The following COL13A1 variants were observed in gnomAD, a reference collection of about 807,000 sequenced individuals.
COL13A1 encodes collagen alpha-1(XIII) chain.
A neutral mutation model predicts 130.9 loss-of-function variants in COL13A1; 89 were observed. That is an observed-to-expected ratio of 0.68 (90% CI 0.57 to 0.81). The LOEUF (loss-of-function observed/expected upper bound fraction) is 0.81. Among genes scored for constraint, COL13A1 ranks in the 30% least tolerant of loss-of-function variants. The pLI, the probability that COL13A1 is intolerant of heterozygous loss-of-function variation, is 0.00. For missense variants in COL13A1, 879 were observed against 934.6 expected (o/e 0.94, Z 0.78); for synonymous variants, 402 against 341.6 (o/e 1.18, Z -1.95).
At chr10:69,841,105 C>A (rs1427172029) in intron 2 of COL13A1, among the ~76,000 whole-genome samples, 2 of 151,672 alleles carry the variant, frequency 1.3e-5, no homozygotes, top group Non-Finnish European at 2.9e-5. Flanking sequence ...TGCAGCACAG[C>A]CAGCCTGGGG....
chr10:69,948,071 T>C (rs1406397151), intron 38 of COL13A1, among the ~76,000 whole-genome samples: 2 of 152,198 alleles, frequency 1.3e-5, no homozygotes, highest in Non-Finnish European at 2.9e-5. Context: ...TGCTGCATCA[T>C]GGGGCTTCCT....
At chr10:69,853,685 C>A (rs1206430502) in intron 2 of COL13A1, among the ~76,000 whole-genome samples, 1 of 152,204 alleles carries the variant, frequency 6.6e-6, no homozygotes, top group East Asian at 1.9e-4. Context: ...TAGTAACCAA[C>A]TCAAAGATAA....
At chr10:69,919,113 G>A (rs370076423) in intron 20 of COL13A1, 25 bp downstream of exon 20, 85 of 1,613,864 alleles carry the variant, frequency 5.3e-5, no homozygotes, top group Admixed American at 4.5e-4. Context: ...AGAATGTTCC[G>A]GGCTGCACAG....
chr10:69,881,058 G>A lies in COL13A1; in HGVS notation c.513+505G>A, dbSNP rs182764463. Among the ~76,000 whole-genome samples, 230 of 152,352 alleles carry A rather than the reference G, an allele frequency of 1.5e-3. 1 individual carries two copies. Among genetic ancestry groups the A allele is most frequent in the African/African-American group, 5.1e-3 (211 of 41,586 alleles). Reference sequence around the variant, plus strand: ...TGTGTTCACTAGCACCCTCCACCCCGTGGCTGGGAGCTTGAGAAAACCAGC... The same window carrying A: ...TGTGTTCACTAGCACCCTCCACCCCATGGCTGGGAGCTTGAGAAAACCAGC... On this transcript the variant is annotated intron_variant, in intron 7 of 40. Transcript: ENST00000645393.
chr10:69,913,233 G>A (rs1471331041), intron 17 of COL13A1, among the ~76,000 whole-genome samples: 2 of 152,164 alleles, frequency 1.3e-5, no homozygotes, highest in Admixed American at 1.3e-4. Flanking sequence ...CCATGCACGT[G>A]GCCAAGACCT....
chr10:69,887,466 G>A lies in COL13A1; in HGVS notation c.524G>A (p.Gly175Glu). 1.2e-6 allele frequency: 2 copies of A among 1,613,522 alleles called. No homozygotes were observed. The highest frequency in any genetic ancestry group is 1.7e-6 in the Non-Finnish European group (2 of 1,179,776). ...IGPRGPPGQP[G>E]TRGFPGFPGP... Reference sequence around the variant, plus strand: ...TTTTTTTTTTTTCAGGGTCAACCAGGAACTAGAGGTTTCCCTGGATTTCCG... The same window carrying A: ...TTTTTTTTTTTTCAGGGTCAACCAGAAACTAGAGGTTTCCCTGGATTTCCG... The change falls in exon 8 of 41, where the codon GGA (glycine) becomes GAA (glutamate). Residue 175 changes from glycine (G) to glutamate (E), a missense_variant. By Grantham distance (98) the Gly-to-Glu change is moderately conservative (BLOSUM62 -2). Transcript: ENST00000645393.
At chr10:69,911,430 ATGAGCATAC>A (rs2135386645) in intron 17 of COL13A1, among the ~76,000 whole-genome samples, 1 of 152,366 alleles carries the variant, frequency 6.6e-6, no homozygotes, top group East Asian at 1.9e-4. Flanking sequence ...CAACTTATGG[ATGAGCATAC>A]TGAGGTTCAC....
Position 69,935,354 on chromosome 10 carries a change from C to A in COL13A1, c.1733C>A (p.Pro578His). 6.3e-7 allele frequency: 1 copy of A among 1,580,262 alleles called. No homozygotes were observed. The highest frequency in any genetic ancestry group is 1.8e-5 in the Admixed American group (1 of 55,886). The part of the protein sequence containing the change: ...GEKGNPGAEV[P>H]GLPGPEGPPG... ...GGGCTCCCCTTTGGCTTTTAGGTTC[C>A]TGGGCTGCCAGGGCCAGAGGGGCCT... Residue 578 changes from proline to histidine, a missense_variant, in exon 32 of 41, where the codon CCT becomes CAT. Around this residue, in one of 3 missense-constraint regions of COL13A1, gnomAD observed 96 missense variants for 147.7 expected, o/e 0.65. Transcript: ENST00000645393.
intron 2 of COL13A1, among the ~76,000 whole-genome samples, chr10:69,845,180 T>C (rs1383244675): frequency 7.5e-6 from 1 of 133,628 alleles, no homozygotes; most frequent in Non-Finnish European, 1.6e-5. Flanking sequence ...TCTCTTTTTC[T>C]TTTCTTTTCT....
At chr10:69,877,069 ATT>A (rs1201369332) in intron 5 of COL13A1, among the ~76,000 whole-genome samples, 1 of 152,130 alleles carries the variant, frequency 6.6e-6, no homozygotes, top group Non-Finnish European at 1.5e-5. Flanking sequence ...TAGCAGGTCT[ATT>A]TTCAAGCTAC....
In COL13A1 at chr10:69,919,057, C is replaced by T; in HGVS notation, c.1000-5C>T. The T allele has an allele frequency of 1.9e-6, 3 of 1,614,008 alleles. No individual in the cohort carries two copies. The highest frequency in any genetic ancestry group is 2.5e-6 in the Non-Finnish European group (3 of 1,179,862). On this transcript the variant is annotated splice_region_variant and splice_polypyrimidine_tract_variant and intron_variant, in intron 19 of 40. Transcript: ENST00000645393. Reference sequence around the variant, plus strand: ...TCTCACATTTGTTTCTCTTTTTCCACACAGGGTGAGCCAGGGATCCCAGGA... The same window carrying T: ...TCTCACATTTGTTTCTCTTTTTCCATACAGGGTGAGCCAGGGATCCCAGGA...
chr10:69,861,250 G>C (rs755087711), intron 2 of COL13A1, among the ~76,000 whole-genome samples: 15 of 152,208 alleles, frequency 9.9e-5, no homozygotes, highest in Non-Finnish European at 1.8e-4. Flanking sequence ...CAGGCTGCCA[G>C]GTGTGAAGTC....
chr10:69,953,550 C>T (rs1384516770), intron 39 of COL13A1, among the ~76,000 whole-genome samples: 1 of 152,218 alleles, frequency 6.6e-6, no homozygotes, highest in East Asian at 1.9e-4. Context: ...GGTAGTCAGA[C>T]AGACACCCCA....
intron 34 of COL13A1, among the ~76,000 whole-genome samples, chr10:69,938,248 G>T (rs2067199195): frequency 6.6e-6 from 1 of 150,564 alleles, no homozygotes; most frequent in African/African-American, 2.4e-5. Flanking sequence ...CCTGCCCAGA[G>T]CCAGAAGCCC....
chr10:69,850,968 G>T, intron 2 of COL13A1, among the ~76,000 whole-genome samples: 1 of 152,290 alleles, frequency 6.6e-6, no homozygotes, highest in South Asian at 2.1e-4. Flanking sequence ...CATCTGAAGG[G>T]ACAAGTCCTT....
chr10:69,824,140 G>C (rs1357411001), intron 2 of COL13A1: 1 of 472,252 alleles, frequency 2.1e-6, no homozygotes, highest in Non-Finnish European at 4.4e-6. Flanking sequence ...TGCCTCAGTT[G>C]CCTTGTCTGA....
At chr10:69,885,204 G>A (rs7910409) in intron 7 of COL13A1, among the ~76,000 whole-genome samples, 102,835 of 152,106 alleles carry the variant, frequency 0.68, 34,887 homozygotes, top group East Asian at 0.84. Flanking sequence ...AAGTTTGTCT[G>A]TAGAAATATA....
rs10999010 is a variant in COL13A1 at position 69,887,153 on chromosome 10, G to A, written c.514-303G>A. ...GCTGGCCCCACTGTCCCATGCGTTT[G>A]TTTACAAGCCATGCATCCACAGCGG... On this transcript the variant is annotated intron_variant, in intron 7 of 40. Coordinates refer to ENST00000645393, the MANE Select transcript of COL13A1 (RefSeq NM_001368882.1). Among the ~76,000 whole-genome samples, 768 of 152,314 alleles carry A rather than the reference G, an allele frequency of 5.0e-3. 5 individuals are homozygous for A. The highest frequency in any genetic ancestry group is 0.017 in the African/African-American group (723 of 41,564).
chr10:69,958,458 A>G (rs893109818), intron 40 of COL13A1, among the ~76,000 whole-genome samples: 3 of 152,194 alleles, frequency 2.0e-5, no homozygotes, highest in African/African-American at 7.2e-5. Context: ...GGCAGCAGAG[A>G]AAGAGAGTGC....
Sources: allele counts gnomAD v4.1 joint callset (sites outside exome capture counted in the v4.1 genomes callset), GRCh38; gene constraint gnomAD v4.1.1; regional missense constraint gnomAD v4.1.1; transcripts MANE v1.5; gene names NCBI Gene and HGNC (gene_info 2026-07-23, HGNC 2026-07-21).